MUS81: variants seen among roughly 807,000 people sequenced by gnomAD.
MUS81 encodes structure-specific endonuclease subunit MUS81.
A neutral mutation model predicts 74.2 loss-of-function variants in MUS81; 69 were observed. The observed-to-expected ratio is 0.93, with a 90% confidence interval of 0.77 to 1.14. MUS81 has a LOEUF of 1.14. Ranked by LOEUF, MUS81 falls within the 50% of genes most tolerant of loss-of-function variation. The pLI is 0.00. For missense variants in MUS81, 711 were observed against 726.5 expected (o/e 0.98, Z 0.25); for synonymous variants, 303 against 300.6 (o/e 1.01, Z -0.08).
rs765280575 is a variant in MUS81 at position 65,865,890 on chromosome 11, C to T, written c.1585C>T (p.Gln529Ter). 5.0e-6 allele frequency: 8 copies of T among 1,614,146 alleles called. No homozygotes were observed. Among genetic ancestry groups the T allele is most frequent in the East Asian group, 2.2e-5 (1 of 44,878 alleles). The part of the protein sequence containing the change: ...LLSTIKCGRL[Q>*]RNLGPALSRT... ...GAGCACCATTAAGTGTGGGCGTCTA[C>T]AGAGGTGAGGGCAAGAGACGGAACC... The change falls in exon 15 of 16, where the codon CAG becomes TAG. Residue 529 changes from glutamine (Q) to a stop codon, truncating the protein, a stop_gained. Coordinates refer to ENST00000308110, the MANE Select transcript of MUS81 (RefSeq NM_025128.5). LOFTEE classifies it high-confidence loss of function.
Position 65,863,853 on chromosome 11 carries a change from G to A in MUS81, c.1011G>A (p.Leu337=). 1 of 1,614,168 alleles carries A rather than the reference G, an allele frequency of 6.2e-7. No homozygotes were observed. The highest frequency in any genetic ancestry group is 8.5e-7 in the Non-Finnish European group (1 of 1,180,014). ...VLDHIVERKR[L]DDLCSSIIDG... ...ATCACATTGTGGAGCGCAAGCGACT[G>A]GATGACCTTTGCAGCAGCATCATCG... Residue 337 remains leucine (L), a synonymous_variant, in exon 10 of 16, where the codon CTG becomes CTA. Coordinates refer to ENST00000308110, the MANE Select transcript of MUS81 (RefSeq NM_025128.5).
chr11:65,864,928 G>T, intron 12 of MUS81, 89 bp from the exon 13 acceptor site: 1 of 1,584,922 alleles, frequency 6.3e-7, no homozygotes. Flanking sequence ...CATTTCTCAG[G>T]CTGGCCCCCC....
Position 65,865,227 on chromosome 11 carries a change from C to A in MUS81, c.1409C>A (p.Ser470Ter). The change falls in exon 14 of 16, where the codon TCG becomes TAG. Residue 470 changes from serine to a stop codon, truncating the protein, a stop_gained. Transcript: ENST00000308110. LOFTEE classifies it high-confidence loss of function. ...GCCCTTTCCCGAACCCAGGCCCAGT[C>A]GGTGCGAGAAGTGTTTGCCCGGCAG... ...NAGAIKNKAQ[S>*]VREVFARQLM... 1 of 1,614,124 alleles carries A rather than the reference C, an allele frequency of 6.2e-7. No individual in the cohort carries two copies. Among genetic ancestry groups the A allele is most frequent in the East Asian group, 2.2e-5 (1 of 44,888 alleles).
upstream of MUS81, chr11:65,860,288 G>A (rs761897563): frequency 6.5e-6 from 3 of 458,350 alleles, no homozygotes; most frequent in Non-Finnish European, 1.3e-5. Flanking sequence ...CAAGCTTGAG[G>A]CTGAAGCTGA....
chr11:65,859,823 T>C (rs749107983), upstream of MUS81, among the ~76,000 whole-genome samples: 3 of 152,226 alleles, frequency 2.0e-5, no homozygotes, highest in Non-Finnish European at 2.9e-5. Flanking sequence ...TCAACCTCCC[T>C]GAGGGTCTCC....
chr11:65,866,119 A>C lies in MUS81; in HGVS notation c.*67A>C. On this transcript the variant is annotated 3_prime_UTR_variant, in exon 16 of 16. Coordinates refer to ENST00000308110, the MANE Select transcript of MUS81 (RefSeq NM_025128.5). The stretch of plus-strand genomic sequence containing the variant: ...AACCCAGGCTAGCCAGCCTTTTAAC[A>C]ACATCTTTTGGGGTACAATTAGAAT... 1.4e-6 allele frequency: 2 copies of C among 1,460,606 alleles called. No individual in the cohort carries two copies. Among genetic ancestry groups the C allele is most frequent in the Non-Finnish European group, 1.9e-6 (2 of 1,062,534 alleles). 90.5% of individuals were successfully genotyped at this position (1,460,606 alleles called of 1,614,324 possible). A position where few individuals can be genotyped will look rare whatever the true frequency, so the allele number is the denominator to read the frequency against.
At chr11:65,861,855 GAGTGAC>G in intron 3 of MUS81, 86 bp from the exon 4 acceptor site, 1 of 961,742 alleles carries the variant, frequency 1.0e-6, no homozygotes. Flanking sequence ...AGAGACAACT[GAGTGAC>G]TTACCCAGGG....
chr11:65,866,967 G>T (rs1565272014), downstream of MUS81: 2 of 1,614,170 alleles, frequency 1.2e-6, no homozygotes, highest in African/African-American at 1.3e-5. Context: ...TACAGAGCTG[G>T]CCCGGTAGCT....
intron 2 of MUS81, 64 bp downstream of exon 2, chr11:65,861,166 C>T (rs942717957): frequency 6.2e-7 from 1 of 1,606,864 alleles, no homozygotes; most frequent in Non-Finnish European, 8.5e-7. Flanking sequence ...CCGTACTCTC[C>T]TGGGAGCCCT....
chr11:65,862,782 G>T (rs1859660974), intron 6 of MUS81, among the ~76,000 whole-genome samples: 1 of 152,228 alleles, frequency 6.6e-6, no homozygotes, highest in African/African-American at 2.4e-5. Context: ...GATTTGGCGG[G>T]TAGAGATGCA....
chr11:65,865,974 C>T lies in MUS81; in HGVS notation c.1590-12C>T. The stretch of plus-strand genomic sequence containing the variant: ...GCCCAGGGCGTGACCCTCGCTGCCT[C>T]TCTTCCTGCAGGAATCTGGGGCCTG... On this transcript the variant is annotated splice_polypyrimidine_tract_variant and intron_variant, in intron 15 of 15. Transcript: ENST00000308110. 6.2e-7 allele frequency: 1 copy of T among 1,613,996 alleles called. No homozygotes were observed. Among genetic ancestry groups the T allele is most frequent in the Non-Finnish European group, 8.5e-7 (1 of 1,179,928 alleles).
rs139826373 is a variant in MUS81 at position 65,862,530 on chromosome 11, G to C, written c.605+1G>C. On this transcript the variant is annotated splice_donor_variant, in intron 6 of 15. Transcript: ENST00000308110. LOFTEE classifies it high-confidence loss of function. ...TCCTCAGGACACACCAGCCAGCCAG[G>C]TGGGGCCAACTGCAGGAGATACAGG... The C allele has an allele frequency of 1.2e-5, 20 of 1,613,486 alleles. No homozygotes were observed. Among genetic ancestry groups the C allele is most frequent in the African/African-American group, 5.3e-5 (4 of 75,046 alleles).
In MUS81 at chr11:65,860,999, A is replaced by C; in HGVS notation, c.162A>C (p.Pro54=). 10 of 1,612,226 alleles carry C rather than the reference A, an allele frequency of 6.2e-6. No individual in the cohort carries two copies. The highest frequency in any genetic ancestry group is 8.5e-6 in the Non-Finnish European group (10 of 1,179,690). Residue 54 remains proline (P), a synonymous_variant, in exon 2 of 16, where the codon CCA becomes CCC. Coordinates refer to ENST00000308110, the MANE Select transcript of MUS81 (RefSeq NM_025128.5). ...QKALRSLRRY[P]LPLRSGKEAK... is the part of the protein sequence containing the mutation. ...CGCTGCGTTCCCTCCGACGGTACCC[A>C]CTGCCGCTGCGCAGCGGGAAGGAAG...
In MUS81 at chr11:65,861,070, A is replaced by G. The variant is rs1591053645; in HGVS notation, c.233A>G (p.Asp78Gly). The G allele has an allele frequency of 1.2e-6, 2 of 1,612,582 alleles. No individual in the cohort carries two copies. The highest frequency in any genetic ancestry group is 8.5e-7 in the Non-Finnish European group (1 of 1,179,970). ...HFGDGLCRML[D>G]ERLQRHRTSG... is the part of the protein sequence containing the mutation. The stretch of plus-strand genomic sequence containing the variant: ...GGAGACGGGCTCTGCCGGATGCTGG[A>G]CGAGCGGCTGCAGCGGCACCGAACA... The change falls in exon 2 of 16, where the codon GAC becomes GGC. Residue 78 changes from aspartate to glycine, a missense_variant. Coordinates refer to ENST00000308110, the MANE Select transcript of MUS81 (RefSeq NM_025128.5).
chr11:65,860,528 G>GCAAATGGAATCTATTGGAGGC lies in MUS81; in HGVS notation c.-225_-224insAAATGGAATCTATTGGAGGCC. On this transcript the variant is annotated 5_prime_UTR_variant, in exon 1 of 16. In the 5' UTR this introduces an upstream ATG that the reference lacks. Coordinates refer to ENST00000308110, the MANE Select transcript of MUS81 (RefSeq NM_025128.5). ...CCAAGGGAAAAGATCGTTAGAGACA[G>GCAAATGGAATCTATTGGAGGC]CGCCCCTGACCAACCACTTAGAGCA... 1.6e-6 allele frequency: 1 copy of GCAAATGGAATCTATTGGAGGC among 607,964 alleles called. No individual in the cohort carries two copies. The highest frequency in any genetic ancestry group is 2.9e-6 in the Non-Finnish European group (1 of 343,154). The allele number at this position is 607,964 out of a possible 1,614,324, so 37.7% of individuals were successfully genotyped here. A position where few individuals can be genotyped will look rare whatever the true frequency, so the allele number is the denominator to read the frequency against.
downstream of MUS81, chr11:65,867,197 T>TGCCACCCC: frequency 7.9e-7 from 1 of 1,259,764 alleles, no homozygotes; most frequent in South Asian, 1.3e-5. Context: ...CTGGCCAGGC[T>TGCCACCCC]GCCACCCCAG....
At position 65,863,120 on chromosome 11, in the gene MUS81, G is replaced by T. The variant is rs749113036; in HGVS notation, c.661G>T (p.Gly221Cys). The T allele has an allele frequency of 1.2e-6, 2 of 1,614,182 alleles. No individual in the cohort carries two copies. Among genetic ancestry groups the T allele is most frequent in the Admixed American group, 1.7e-5 (1 of 60,030 alleles). ...ELAQKLAESE[G>C]LSLLNVGIGP... Reference sequence around the variant, plus strand: ...GGCCCAGAAGTTGGCCGAGTCAGAAGGCCTGAGCTTGCTGAATGTGGGCAT... The same window carrying T: ...GGCCCAGAAGTTGGCCGAGTCAGAATGCCTGAGCTTGCTGAATGTGGGCAT... The change falls in exon 7 of 16, where the codon GGC (glycine) becomes TGC (cysteine). Residue 221 changes from glycine (G) to cysteine (C), a missense_variant. By Grantham distance (159) the Gly-to-Cys change is radical (BLOSUM62 -3). Transcript: ENST00000308110.
Position 65,865,311 on chromosome 11 carries a change from G to A in MUS81, c.1493G>A (p.Ser498Asn). ...EKAAALVDRY[S>N]TPASLLAAYD... ...GCAGCAGCCCTGGTGGATCGATACA[G>A]CACCCCTGCCAGGTAGGCCCTAAAG... is the stretch of plus-strand genomic sequence containing the variant. Residue 498 changes from serine (S) to asparagine (N), a missense_variant, in exon 14 of 16, where the codon AGC (serine) becomes AAC (asparagine). Coordinates refer to ENST00000308110, the MANE Select transcript of MUS81 (RefSeq NM_025128.5). 1 of 1,613,856 alleles carries A rather than the reference G, an allele frequency of 6.2e-7. No individual in the cohort carries two copies. Among genetic ancestry groups the A allele is most frequent in the Non-Finnish European group, 8.5e-7 (1 of 1,179,882 alleles).
At chr11:65,865,549 TG>T in intron 14 of MUS81, 2 of 624,094 alleles carry the variant, frequency 3.2e-6, no homozygotes, top group South Asian at 4.0e-5. Flanking sequence ...TCCCACCTGG[TG>T]GAGAAGAGGC....
Sources: allele counts gnomAD v4.1 joint callset (sites outside exome capture counted in the v4.1 genomes callset), GRCh38; gene constraint gnomAD v4.1.1; transcripts MANE v1.5; gene names NCBI Gene and HGNC (gene_info 2026-07-23, HGNC 2026-07-21).